The following MYO1A variants were observed in gnomAD, a reference collection of about 807,000 sequenced individuals.
The protein encoded by MYO1A is myosin IA.
MYO1A carries 127 observed loss-of-function variants against 138.5 expected under a neutral mutation model. The observed-to-expected ratio is 0.92, with a 90% CI of 0.79 to 1.06. The LOEUF (loss-of-function observed/expected upper bound fraction) is 1.06. MYO1A is among the 50% of genes least tolerant of loss of function. The pLI is 0.00. For missense variants in MYO1A, 1,211 were observed against 1,288.8 expected, an observed-to-expected ratio of 0.94 and a Z score of 0.92; for synonymous variants, 477 against 497.5, an observed-to-expected ratio of 0.96 and a Z score of 0.55.
At position 57,038,832 on chromosome 12, in the gene MYO1A, G is replaced by C. The variant is rs542991341; in HGVS notation, c.1510C>G (p.Arg504Gly). The C allele has an allele frequency of 4.6e-5, 75 of 1,614,038 alleles. No individual in the cohort carries two copies. The highest frequency in any genetic ancestry group is 6.0e-5 in the Non-Finnish European group (71 of 1,180,042). Residue 504 changes from arginine (R) to glycine (G), a missense_variant, in exon 16 of 28, where the codon CGC (arginine) becomes GGC (glycine). Transcript: ENST00000300119. Reference protein sequence around the residue: ...YDHTMGLSCFRICHYAGKVTY... With the variant: ...YDHTMGLSCFGICHYAGKVTY... ...ACCTTGCCCGCATAGTGGCAGATGC[G>C]GAAGCAGCTGAGGCCCATGGTGTGG... is the stretch of plus-strand genomic sequence containing the variant.
At chr12:57,043,435 A>C in intron 10 of MYO1A, 77 bp from the exon 11 acceptor site, 2 of 1,375,786 alleles carry the variant, frequency 1.5e-6, no homozygotes, top group Middle Eastern at 3.5e-4. Context: ...TGATAAGTGA[A>C]ACTGCCTGAG....
rs140198395 is a variant in MYO1A at position 57,040,357 on chromosome 12, A to G, written c.1269+827T>C. Among the ~76,000 whole-genome samples, 230 of 152,242 alleles carry G rather than the reference A, an allele frequency of 1.5e-3. 1 individual carries two copies. Among genetic ancestry groups the G allele is most frequent in the African/African-American group, 5.4e-3 (224 of 41,522 alleles). ...GATTTTGTGGGGAAATATATTTACA[A>G]ATTTGCTTGCATATGCGTAAGGACT... On this transcript the variant is annotated intron_variant, in intron 14 of 27. Coordinates refer to ENST00000300119, the MANE Select transcript of MYO1A (RefSeq NM_005379.4).
chr12:57,038,859 C>T lies in MYO1A; in HGVS notation c.1483G>A (p.Asp495Asn). 1 of 1,614,188 alleles carries T rather than the reference C, an allele frequency of 6.2e-7. No individual in the cohort carries two copies. Among genetic ancestry groups the T allele is most frequent in the Non-Finnish European group, 8.5e-7 (1 of 1,180,046 alleles). ...KVTQNAQRQY[D>N]HTMGLSCFRI... The stretch of plus-strand genomic sequence containing the variant: ...AAGCAGCTGAGGCCCATGGTGTGGT[C>T]ATACTGACGCTGGGCATTCTGGGTG... The change falls in exon 16 of 28, where the codon GAC (aspartate) becomes AAC (asparagine). Residue 495 changes from aspartate (D) to asparagine (N), a missense_variant. Coordinates refer to ENST00000300119, the MANE Select transcript of MYO1A (RefSeq NM_005379.4).
At chr12:57,031,299 G>A (rs1308393382) in intron 22 of MYO1A, 125 bp from the exon 23 acceptor site, 9 of 1,218,036 alleles carry the variant, frequency 7.4e-6, no homozygotes, top group Non-Finnish European at 1.1e-5. Context: ...AAGGGGTGGA[G>A]CTGAAGAGAT....
In MYO1A at chr12:57,038,644, A is replaced by C; in HGVS notation, c.1534-6T>G. On this transcript the variant is annotated splice_polypyrimidine_tract_variant and splice_region_variant and intron_variant, in intron 16 of 27. Coordinates refer to ENST00000300119, the MANE Select transcript of MYO1A (RefSeq NM_005379.4). Reference sequence around the variant, plus strand: ...CTGGTCACGTTGTATGTCACCTGTAAAGGAGCAGCTATTGGTTTGGAGACC... The same window carrying C: ...CTGGTCACGTTGTATGTCACCTGTACAGGAGCAGCTATTGGTTTGGAGACC... The C allele has an allele frequency of 8.1e-6, 13 of 1,614,032 alleles. No homozygotes were observed. Among genetic ancestry groups the C allele is most frequent in the Non-Finnish European group, 1.1e-5 (13 of 1,179,880 alleles).
rs764443775 is a variant in MYO1A at position 57,038,039 on chromosome 12, T to C, written c.1791A>G (p.Arg597=). The change falls in exon 18 of 28, where the codon CGA becomes CGG. Residue 597 remains arginine, a synonymous_variant. Coordinates refer to ENST00000300119, the MANE Select transcript of MYO1A (RefSeq NM_005379.4). ...CCACCAGGTCTGAAGAGAACTGACC[T>C]CGCTGCTGATGCTCATTGGGCTTTA... The part of the protein sequence containing the change: ...RCIKPNEHQQ[R]GQFSSDLVAT... The C allele has an allele frequency of 6.8e-6, 11 of 1,614,088 alleles. No homozygotes were observed. In the East Asian group the frequency reaches 2.5e-4, roughly 36 times the overall value.
intron 15 of MYO1A, 83 bp downstream of exon 15, chr12:57,039,129 G>A: frequency 6.5e-7 from 1 of 1,544,550 alleles, no homozygotes. Flanking sequence ...CCTACCAAGT[G>A]GGGAATCAGG....
Position 57,029,508 on chromosome 12 carries a change from A to G in MYO1A, c.2804T>C (p.Ile935Thr), listed in dbSNP as rs372760228. 2.1e-4 allele frequency: 332 copies of G among 1,614,166 alleles called. 3 individuals are homozygous for G. In the Middle Eastern group the frequency reaches 3.8e-3, roughly 18 times the overall value. The change falls in exon 26 of 28, where the codon ATT becomes ACT. Residue 935 changes from isoleucine (I) to threonine (T), a missense_variant. Physicochemically the swap from Ile to Thr is moderately conservative, Grantham distance 89 (BLOSUM62 -1). Transcript: ENST00000300119. ...DTKKSQAKIVIGLDNVAGVSV... is the reference protein window; with the variant it reads ...DTKKSQAKIVTGLDNVAGVSV... ...CACCCCAGCCACATTGTCTAGCCCA[A>G]TGACAATTTTGGCCTGGGACTTCTT... is the stretch of plus-strand genomic sequence containing the variant.
Position 57,029,788 on chromosome 12 carries a change from A to C in MYO1A, c.2676T>G (p.Pro892=). 1 of 1,614,130 alleles carries C rather than the reference A, an allele frequency of 6.2e-7. No homozygotes were observed. The highest frequency in any genetic ancestry group is 8.5e-7 in the Non-Finnish European group (1 of 1,180,012). The part of the protein sequence containing the change: ...LQKLKGGEEG[P]VLMAEAVKKV... The stretch of plus-strand genomic sequence containing the variant: ...TCTTCACGGCCTCTGCCATCAGAAC[A>C]GGCCCCTCCTCCCCGCCTTTCAGCT... Residue 892 remains proline (P), a synonymous_variant, in exon 25 of 28, where the codon CCT becomes CCG. Transcript: ENST00000300119.
Position 57,037,641 on chromosome 12 carries a change from C to T in MYO1A, c.1962G>A (p.Arg654=), listed in dbSNP as rs1388872311. ...STWPHWNGGD[R]EGVEKVLGEL... is the part of the protein sequence containing the mutation. Reference sequence around the variant, plus strand: ...CCCCCAGGACCTTCTCAACACCTTCCCTATGGAAGCAAATGACAGAAAGCT... The same window carrying T: ...CCCCCAGGACCTTCTCAACACCTTCTCTATGGAAGCAAATGACAGAAAGCT... Residue 654 remains arginine, a splice_region_variant and synonymous_variant, in exon 19 of 28, where the codon CGG becomes CGA. Coordinates refer to ENST00000300119, the MANE Select transcript of MYO1A (RefSeq NM_005379.4). 6.2e-7 allele frequency: 1 copy of T among 1,613,936 alleles called. No homozygotes were observed. Among genetic ancestry groups the T allele is most frequent in the South Asian group, 1.1e-5 (1 of 91,082 alleles).
chr12:57,032,493 A>G (rs1338053443), intron 22 of MYO1A, among the ~76,000 whole-genome samples: 1 of 152,230 alleles, frequency 6.6e-6, no homozygotes, highest in East Asian at 1.9e-4. Context: ...AATGAGTGGC[A>G]GCATATTCCA....
intron 22 of MYO1A, among the ~76,000 whole-genome samples, chr12:57,034,191 G>T (rs2030421651): frequency 6.6e-6 from 1 of 152,210 alleles, no homozygotes; most frequent in Admixed American, 6.5e-5. Flanking sequence ...AAAAGCTCTA[G>T]AGTCAAATAG....
At position 57,029,454 on chromosome 12, in the gene MYO1A, A is replaced by T; in HGVS notation, c.2858T>A (p.Phe953Tyr). 6.2e-7 allele frequency: 1 copy of T among 1,614,120 alleles called. No homozygotes were observed. The highest frequency in any genetic ancestry group is 1.1e-5 in the South Asian group (1 of 91,074). ...VSVTSLKDGLFSLHLSEMSSV... is the reference protein window; with the variant it reads ...VSVTSLKDGLYSLHLSEMSSV... ...TGATACCTCACTCAGATGCAAGCTA[A>T]AGAGCCCATCCTTGAGGCTGGTGAC... The change falls in exon 26 of 28, where the codon TTT becomes TAT. Residue 953 changes from phenylalanine to tyrosine, a missense_variant. Physicochemically the swap from Phe to Tyr is conservative, Grantham distance 22. Coordinates refer to ENST00000300119, the MANE Select transcript of MYO1A (RefSeq NM_005379.4).
At chr12:57,048,152 G>A in intron 2 of MYO1A, 48 bp from the exon 3 acceptor site, 2 of 1,600,174 alleles carry the variant, frequency 1.2e-6, no homozygotes, top group Middle Eastern at 1.7e-4. Context: ...GGTGAGGTGG[G>A]AGCCTGTGAC....
intron 24 of MYO1A, 82 bp from the exon 25 acceptor site, chr12:57,029,954 C>G (rs557726767): frequency 6.2e-7 from 1 of 1,603,660 alleles, no homozygotes; most frequent in African/African-American, 1.3e-5. Flanking sequence ...CTAGTCCTCC[C>G]GGGCCCTTCC....
intron 22 of MYO1A, among the ~76,000 whole-genome samples, chr12:57,034,451 T>A (rs2030433752): frequency 6.6e-6 from 1 of 151,480 alleles, no homozygotes; most frequent in Admixed American, 6.6e-5. Context: ...GGCGAGTGAA[T>A]CACTTGAGCT....
Position 57,041,255 on chromosome 12 carries a change from A to C in MYO1A, c.1198T>G (p.Cys400Gly). ...AACACCTGCTGCAGCTTCTCATTGCAGTAGTTGATCACAAATTGCTCAAAG... is the reference window on the plus strand; with the variant it reads ...AACACCTGCTGCAGCTTCTCATTGCCGTAGTTGATCACAAATTGCTCAAAG... ...NSFEQFVINY[C>G]NEKLQQVFIE... Residue 400 changes from cysteine (C) to glycine (G), a missense_variant, in exon 14 of 28, where the codon TGC (cysteine) becomes GGC (glycine). By Grantham distance (159) the Cys-to-Gly change is radical. Transcript: ENST00000300119. The C allele has an allele frequency of 6.2e-7, 1 of 1,614,134 alleles. No individual in the cohort carries two copies. The highest frequency in any genetic ancestry group is 8.5e-7 in the Non-Finnish European group (1 of 1,180,002).
chr12:57,028,787 C>A lies in MYO1A; in HGVS notation c.3100G>T (p.Gly1034Trp). 1.9e-6 allele frequency: 3 copies of A among 1,614,140 alleles called. No individual in the cohort carries two copies. The highest frequency in any genetic ancestry group is 2.5e-6 in the Non-Finnish European group (3 of 1,180,014). Residue 1034 changes from glycine to tryptophan, a missense_variant, in exon 28 of 28, where the codon GGG becomes TGG. Transcript: ENST00000300119. ...ACAGTCACCTCCAAGCAATGACTCCCCTTTTTTTTGTAGCGTAGCTTGCTG... is the reference window on the plus strand; with the variant it reads ...ACAGTCACCTCCAAGCAATGACTCCACTTTTTTTTGTAGCGTAGCTTGCTG... The part of the protein sequence containing the change: ...DNSKLRYKKK[G>W]SHCLEVTVQ
Position 57,037,046 on chromosome 12 carries a change from C to T in MYO1A, c.2101G>A (p.Ala701Thr). The T allele has an allele frequency of 2.5e-6, 4 of 1,614,126 alleles. No individual in the cohort carries two copies. Among genetic ancestry groups the T allele is most frequent in the Non-Finnish European group, 3.4e-6 (4 of 1,180,028 alleles). ...CGGTAAATCTTCTGTATGAGTGTGG[C>T]CAGCTGCTGGAGTCTCAGGCGCCTC... ...EQRRLRLQQL[A>T]TLIQKIYRGW... Residue 701 changes from alanine to threonine, a missense_variant, in exon 20 of 28, where the codon GCC becomes ACC. Transcript: ENST00000300119.
Sources: gnomAD v4.1 joint callset for allele counts (sites outside exome capture counted in the v4.1 genomes callset) on GRCh38, gnomAD v4.1.1 for gene constraint, MANE v1.5 for transcripts, NCBI Gene and HGNC (gene_info 2026-07-23, HGNC 2026-07-21) for gene names.